The following MPHOSPH8 variants were observed in gnomAD, a reference collection of about 807,000 sequenced individuals.
MPHOSPH8 encodes M-phase phosphoprotein 8.
In MPHOSPH8, 45 loss-of-function variants were observed where a neutral mutation model predicts 87.3. The ratio of observed to expected loss-of-function variants is 0.52; its 90% CI spans 0.41 to 0.66. The LOEUF (loss-of-function observed/expected upper bound fraction) is 0.66, where lower values mean the gene tolerates loss of function less well. Ranked by LOEUF, MPHOSPH8 falls within the 30% of genes least tolerant of loss-of-function variation. The pLI is 0.00. For missense variants in MPHOSPH8, 883 were observed against 1,020.2 expected (o/e 0.87, Z 1.83); for synonymous variants, 366 against 376.9 (o/e 0.97, Z 0.33).
At chr13:19,649,370 G>A (rs903810507) in intron 4 of MPHOSPH8, among the ~76,000 whole-genome samples, 1 of 152,018 alleles carries the variant, frequency 6.6e-6, no homozygotes, top group South Asian at 2.1e-4. Flanking sequence ...CCATTCATAA[G>A]GGTACTCACT....
intron 5 of MPHOSPH8, among the ~76,000 whole-genome samples, chr13:19,657,947 C>T (rs1277169254): frequency 6.6e-6 from 1 of 152,220 alleles, no homozygotes; most frequent in Non-Finnish European, 1.5e-5. Context: ...CTCTCCCAGC[C>T]TCTCTCATCT....
intron 9 of MPHOSPH8, among the ~76,000 whole-genome samples, chr13:19,665,788 GA>G (rs1875781537): frequency 6.6e-6 from 1 of 152,218 alleles, no homozygotes; most frequent in African/African-American, 2.4e-5. Context: ...CCACTCAGAA[GA>G]ATTAAGGGAC....
At position 19,633,954 on chromosome 13, in the gene MPHOSPH8, C is replaced by A; in HGVS notation, c.206C>A (p.Thr69Asn). The A allele has an allele frequency of 6.2e-7, 1 of 1,607,532 alleles. No homozygotes were observed. Among genetic ancestry groups the A allele is most frequent in the African/African-American group, 1.3e-5 (1 of 74,962 alleles). ...FEVEKILDMK[T>N]EGGKVLYKVR... ...GTGGAGAAGATCCTGGACATGAAGA[C>A]CGAGGGGGTATGTGGAGGGGCCCCG... is the stretch of plus-strand genomic sequence containing the variant. Residue 69 changes from threonine (T) to asparagine (N), a missense_variant, in exon 1 of 14, where the codon ACC (threonine) becomes AAC (asparagine). Physicochemically the swap from Thr to Asn is moderately conservative, Grantham distance 65 (BLOSUM62 0). Around this residue, in one of 3 missense-constraint regions of MPHOSPH8, gnomAD observed 103 missense variants for 96.3 expected, o/e 1.07. Transcript: ENST00000361479.
intron 9 of MPHOSPH8, among the ~76,000 whole-genome samples, chr13:19,665,279 G>C (rs1213685885): frequency 6.6e-6 from 1 of 152,212 alleles, no homozygotes; most frequent in Non-Finnish European, 1.5e-5. Flanking sequence ...TCAGGATTTA[G>C]CATGTTGAAG....
At position 19,663,280 on chromosome 13, in the gene MPHOSPH8, G is replaced by A. The variant is rs113440635; in HGVS notation, c.2019+154G>A. ...CCGCTTGCAGGGGAGAAGGAGAAGCGGGCTGGCAGGGTAGCAGTGAGAGCT... is the reference window on the plus strand; with the variant it reads ...CCGCTTGCAGGGGAGAAGGAGAAGCAGGCTGGCAGGGTAGCAGTGAGAGCT... On this transcript the variant is annotated intron_variant, in intron 9 of 13. Transcript: ENST00000361479. Among the ~76,000 whole-genome samples the A allele has an allele frequency of 1.8e-3, 273 of 152,332 alleles. 2 individuals carry two copies. Among genetic ancestry groups the A allele is most frequent in the Non-Finnish European group, 1.9e-3 (127 of 68,034 alleles).
At chr13:19,662,642 G>A (rs538308578) in intron 8 of MPHOSPH8, among the ~76,000 whole-genome samples, 2 of 152,274 alleles carry the variant, frequency 1.3e-5, no homozygotes, top group Admixed American at 6.5e-5. Context: ...GATTTATCTC[G>A]TTGGAAGTAA....
rs989361219 is a variant in MPHOSPH8 at position 19,633,898 on chromosome 13, C to T, written c.150C>T (p.Asp50=). 6 of 1,611,540 alleles carry T rather than the reference C, an allele frequency of 3.7e-6. No individual in the cohort carries two copies. In the Admixed American group the frequency reaches 8.4e-5, roughly 23 times the overall value. Residue 50 remains aspartate, a synonymous_variant, in exon 1 of 14, where the codon GAC becomes GAT. Coordinates refer to ENST00000361479, the MANE Select transcript of MPHOSPH8 (RefSeq NM_017520.4). ...CGAGAGGAGCGGAGGCCTTTGGCGACAGTGAGGAGGACGGAGAGGATGTGT... is the reference window on the plus strand; with the variant it reads ...CGAGAGGAGCGGAGGCCTTTGGCGATAGTGAGGAGGACGGAGAGGATGTGT... ...AAARGAEAFG[D]SEEDGEDVFE... is the part of the protein sequence containing the mutation.
chr13:19,665,753 T>C (rs1490191158), intron 9 of MPHOSPH8, among the ~76,000 whole-genome samples: 1 of 152,214 alleles, frequency 6.6e-6, no homozygotes, highest in East Asian at 1.9e-4. Context: ...GGCACCCTTA[T>C]CCTCTTTTCG....
intron 1 of MPHOSPH8, among the ~76,000 whole-genome samples, chr13:19,635,165 G>A (rs1873937973): frequency 6.6e-6 from 1 of 152,314 alleles, no homozygotes; most frequent in Admixed American, 6.5e-5. Context: ...ATGAGCCACT[G>A]TTAGACTATT....
intron 9 of MPHOSPH8, among the ~76,000 whole-genome samples, chr13:19,663,504 C>T (rs959635963): frequency 9.2e-5 from 14 of 152,172 alleles, no homozygotes; most frequent in South Asian, 2.1e-4. Context: ...CTGCTGGCCT[C>T]GAAAGTGCAG....
chr13:19,642,392 T>C (rs1279753181), intron 2 of MPHOSPH8, 122 bp downstream of exon 2: 7 of 855,804 alleles, frequency 8.2e-6, no homozygotes, highest in Non-Finnish European at 1.1e-5. Context: ...TTAGTGTAAA[T>C]TCCATGTAGC....
intron 7 of MPHOSPH8, chr13:19,660,985 C>T (rs1875494028): frequency 2.0e-6 from 2 of 982,574 alleles, no homozygotes; most frequent in South Asian, 9.4e-5. Flanking sequence ...GAGAGCTGGG[C>T]GTGGTGGCAT....
chr13:19,669,380 A>G (rs1257340286), intron 11 of MPHOSPH8, among the ~76,000 whole-genome samples: 1 of 151,938 alleles, frequency 6.6e-6, no homozygotes, highest in Non-Finnish European at 1.5e-5. Context: ...CGGGTGGACC[A>G]TCTGCATTGC....
At chr13:19,659,948 T>C (rs988932224) in intron 7 of MPHOSPH8, among the ~76,000 whole-genome samples, 1 of 143,680 alleles carries the variant, frequency 7.0e-6, no homozygotes, top group Non-Finnish European at 1.5e-5. Flanking sequence ...CATACTGATA[T>C]GTATGGATTT....
intron 12 of MPHOSPH8, chr13:19,670,934 C>G: frequency 5.1e-6 from 5 of 972,490 alleles, no homozygotes; most frequent in Non-Finnish European, 7.3e-6. Flanking sequence ...ATCCTCCCAC[C>G]TCAGCCTCCT....
At position 19,648,425 on chromosome 13, in the gene MPHOSPH8, A is replaced by G; in HGVS notation, c.1222A>G (p.Lys408Glu). ...TTGGATATCATGTCATTTTCAGGAC[A>G]AAGAAACCAAAAGAAATGAATCCAA... ...LWSTDSAEED[K>E]ETKRNESKEK... Residue 408 changes from lysine to glutamate, a missense_variant, in exon 4 of 14, where the codon AAA becomes GAA. Lys to Glu is a moderately conservative substitution (Grantham distance 56, BLOSUM62 1). Around this residue, in one of 3 missense-constraint regions of MPHOSPH8, gnomAD observed 741 missense variants for 841.5 expected, o/e 0.88. Coordinates refer to ENST00000361479, the MANE Select transcript of MPHOSPH8 (RefSeq NM_017520.4). 1 of 1,579,536 alleles carries G rather than the reference A, an allele frequency of 6.3e-7. No homozygotes were observed. The highest frequency in any genetic ancestry group is 8.6e-7 in the Non-Finnish European group (1 of 1,160,354).
chr13:19,658,468 C>G (rs993363172), intron 5 of MPHOSPH8, among the ~76,000 whole-genome samples: 1 of 51,314 alleles, frequency 1.9e-5, no homozygotes, highest in African/African-American at 4.3e-5. Flanking sequence ...CTAGCAATAC[C>G]TCACGGGGGT....
Position 19,666,465 on chromosome 13 carries a change from T to C in MPHOSPH8, c.2060T>C (p.Ile687Thr). The C allele has an allele frequency of 6.2e-7, 1 of 1,611,012 alleles. No individual in the cohort carries two copies. The highest frequency in any genetic ancestry group is 8.5e-7 in the Non-Finnish European group (1 of 1,177,420). ...RGNSDIVRLV[I>T]ECGADCNILS... ...AATTCAGACATCGTACGACTCGTAA[T>C]TGAATGTGGAGCTGACTGCAATATT... The change falls in exon 10 of 14, where the codon ATT becomes ACT. Residue 687 changes from isoleucine to threonine, a missense_variant. By Grantham distance (89) the Ile-to-Thr change is moderately conservative. Around this residue, in one of 3 missense-constraint regions of MPHOSPH8, gnomAD observed 741 missense variants for 841.5 expected, o/e 0.88. Transcript: ENST00000361479.
intron 1 of MPHOSPH8, 92 bp from the exon 2 acceptor site, chr13:19,642,023 T>G (rs1565933280): frequency 9.0e-7 from 1 of 1,114,854 alleles, no homozygotes; most frequent in Non-Finnish European, 1.2e-6. Flanking sequence ...TTCAAGTTCT[T>G]TCATGTCTTC....
Sources: gnomAD v4.1 joint callset for allele counts (sites outside exome capture counted in the v4.1 genomes callset) on GRCh38, gnomAD v4.1.1 for gene constraint, gnomAD v4.1.1 regional missense constraint, MANE v1.5 for transcripts, NCBI Gene and HGNC (gene_info 2026-07-23, HGNC 2026-07-21) for gene names.